The following NAV3 variants were observed in gnomAD, a reference collection of about 807,000 sequenced individuals.
NAV3 encodes neuron navigator 3, also known as pore membrane and/or filament interacting like protein 1.
In NAV3, 87 loss-of-function variants were observed where a neutral mutation model predicts 244.7. That is an observed-to-expected ratio of 0.36 (90% CI 0.30 to 0.42). The LOEUF is 0.42. Ranked by LOEUF, NAV3 falls within the 20% of genes least tolerant of loss-of-function variation. The pLI is 1.00. For missense variants in NAV3, 2,663 were observed against 2,893.3 expected, an observed-to-expected ratio of 0.92 and a Z score of 1.83; for synonymous variants, 1,126 against 1,042.2, an observed-to-expected ratio of 1.08 and a Z score of -1.55.
chr12:77,874,769 A>G (rs893130598), intron 1 of NAV3, among the ~76,000 whole-genome samples: 1 of 152,172 alleles, frequency 6.6e-6, no homozygotes, highest in African/African-American at 2.4e-5. Context: ...ACCATCTTTC[A>G]AATGAGGTTA....
intron 5 of NAV3, among the ~76,000 whole-genome samples, chr12:77,983,620 GAA>G (rs753621843): frequency 1.3e-5 from 2 of 152,026 alleles, no homozygotes; most frequent in Non-Finnish European, 2.9e-5. Flanking sequence ...TTTATTGATT[GAA>G]ACAATAGAAA....
chr12:77,681,432 G>A (rs1874452184), intron 2 of NAV3, among the ~76,000 whole-genome samples: 2 of 152,088 alleles, frequency 1.3e-5, no homozygotes, highest in Admixed American at 6.6e-5. Flanking sequence ...GAGCATCAAA[G>A]CCGAATGACA....
chr12:77,612,483 C>T (rs777294610), intron 2 of NAV3, among the ~76,000 whole-genome samples: 2 of 152,080 alleles, frequency 1.3e-5, no homozygotes, highest in Non-Finnish European at 2.9e-5. Context: ...TCCTTACACA[C>T]CCTGGAGGTG....
chr12:77,772,109 T>G (rs986276934), intron 2 of NAV3, among the ~76,000 whole-genome samples: 3 of 152,116 alleles, frequency 2.0e-5, no homozygotes, highest in South Asian at 4.1e-4. Context: ...TTTGATAACA[T>G]TATTAACTCC....
At chr12:77,810,824 G>A (rs1021968650) in intron 2 of NAV3, among the ~76,000 whole-genome samples, 20 of 151,868 alleles carry the variant, frequency 1.3e-4, no homozygotes, top group African/African-American at 4.8e-4. Context: ...AAATTAAGTT[G>A]GTTTCTTAAG....
intron 2 of NAV3, among the ~76,000 whole-genome samples, chr12:77,573,659 T>TTA (rs1399553356): frequency 6.6e-6 from 1 of 152,166 alleles, no homozygotes; most frequent in Non-Finnish European, 1.5e-5. Flanking sequence ...AAGAAGCCAT[T>TTA]TAATCATCTT....
chr12:78,210,735 C>A lies in NAV3; in HGVS notation c.*218C>A, dbSNP rs1309195849. 16 of 548,788 alleles carry A rather than the reference C, an allele frequency of 2.9e-5. No homozygotes were observed. The highest frequency in any genetic ancestry group is 4.8e-5 in the Non-Finnish European group (15 of 311,566). 34.0% of individuals were successfully genotyped at this position (548,788 alleles called of 1,614,324 possible). A position where few individuals can be genotyped will look rare whatever the true frequency, so the allele number is the denominator to read the frequency against. ...GTTTATTTCTAAGCATTTTTTATATCTGTGGAGTAATAGAAAGCTCCATTA... is the reference window on the plus strand; with the variant it reads ...GTTTATTTCTAAGCATTTTTTATATATGTGGAGTAATAGAAAGCTCCATTA... On this transcript the variant is annotated 3_prime_UTR_variant, in exon 40 of 40. Coordinates refer to ENST00000397909, the MANE Select transcript of NAV3 (RefSeq NM_001024383.2).
intron 12 of NAV3, among the ~76,000 whole-genome samples, chr12:78,074,792 T>C (rs1952960843): frequency 6.6e-6 from 1 of 152,182 alleles, no homozygotes; most frequent in African/African-American, 2.4e-5. Flanking sequence ...ATTCTACTAA[T>C]TCTGATTTGA....
Position 78,021,782 on chromosome 12 carries a change from C to T in NAV3, c.1943C>T (p.Ser648Leu), listed in dbSNP as rs201135448. ...GAAAATGAAGGTACCGCTTTACCAT[C>T]GGCTGACTCCTGTACCAGTCCTACA... ...HSENEGTALP[S>L]ADSCTSPTKM... is the part of the protein sequence containing the mutation. Residue 648 changes from serine to leucine, a missense_variant, in exon 9 of 40, where the codon TCG (serine) becomes TTG (leucine). By Grantham distance (145) the Ser-to-Leu change is moderately radical. This residue lies in a region of NAV3 where 1,521 missense variants were observed against 1,497.0 expected (regional missense o/e 1.02). Transcript: ENST00000397909. 4.0e-5 allele frequency: 65 copies of T among 1,609,718 alleles called. No individual in the cohort carries two copies. Among genetic ancestry groups the T allele is most frequent in the Non-Finnish European group, 4.6e-5 (54 of 1,177,566 alleles).
chr12:77,885,302 A>G (rs897379460), intron 1 of NAV3, among the ~76,000 whole-genome samples: 6 of 152,126 alleles, frequency 3.9e-5, no homozygotes, highest in African/African-American at 1.4e-4. Context: ...TAATTATATG[A>G]ATTATTAATC....
At chr12:77,842,281 G>C (rs1383405427) in intron 1 of NAV3, among the ~76,000 whole-genome samples, 1 of 152,196 alleles carries the variant, frequency 6.6e-6, no homozygotes, top group Non-Finnish European at 1.5e-5. Flanking sequence ...ACTGTGGTCT[G>C]TTTCCCACCT....
intron 29 of NAV3, 45 bp from the exon 30 acceptor site, chr12:78,180,826 A>G (rs373305705): frequency 8.4e-5 from 128 of 1,531,400 alleles, no homozygotes; most frequent in Non-Finnish European, 5.3e-5. Flanking sequence ...TATTTTCTCA[A>G]TCAAACCAAC....
chr12:77,690,994 A>G (rs1364613655), intron 2 of NAV3, among the ~76,000 whole-genome samples: 1 of 150,630 alleles, frequency 6.6e-6, no homozygotes, highest in Non-Finnish European at 1.5e-5. Flanking sequence ...TTTTTATGGC[A>G]TCTTTTATTT....
intron 9 of NAV3, among the ~76,000 whole-genome samples, chr12:78,027,512 A>G (rs1233029962): frequency 6.6e-6 from 1 of 152,176 alleles, no homozygotes; most frequent in Non-Finnish European, 1.5e-5. Context: ...TCCATAATTT[A>G]AAAATCCAAA....
chr12:77,742,107 C>T (rs1277772988), intron 2 of NAV3, among the ~76,000 whole-genome samples: 2 of 151,888 alleles, frequency 1.3e-5, no homozygotes, highest in East Asian at 3.9e-4. Context: ...ACTAGTATAC[C>T]TAAAAATCTT....
intron 2 of NAV3, among the ~76,000 whole-genome samples, chr12:77,758,217 C>A (rs1040438769): frequency 1.3e-5 from 2 of 152,016 alleles, no homozygotes; most frequent in African/African-American, 4.8e-5. Context: ...ATCCTTTTAC[C>A]TGGATATACT....
rs748531378 is a variant in NAV3 at position 77,766,735 on chromosome 12, G to GTTT, written c.73-173550_73-173548dup. 2.9e-3 allele frequency among the ~76,000 whole-genome samples: 178 copies of GTTT among 60,506 alleles called. 39 individuals are homozygous for GTTT. The highest frequency in any genetic ancestry group is 0.01 in the African/African-American group (163 of 15,824). 39.7% of individuals were successfully genotyped at this position (60,506 alleles called of 152,430 possible). A position where few individuals can be genotyped will look rare whatever the true frequency, so the allele number is the denominator to read the frequency against. On this transcript the variant is annotated intron_variant, in intron 2 of 8. Coordinates refer to the NAV3 transcript ENST00000550042. ...AGGATTCTAAAAAACAGGCAATTAA[G>GTTT]TTTTTTTTTTTTTTTTTTTTTTTTT...
chr12:77,681,000 T>C (rs1418275125), intron 2 of NAV3, among the ~76,000 whole-genome samples: 1 of 152,208 alleles, frequency 6.6e-6, no homozygotes, highest in East Asian at 1.9e-4. Flanking sequence ...AAGTCATTCT[T>C]TGTTAGATTT....
At chr12:78,117,054 C>A in intron 13 of NAV3, 150 bp downstream of exon 13, 1 of 830,398 alleles carries the variant, frequency 1.2e-6, no homozygotes, top group Non-Finnish European at 1.8e-6. Context: ...CCCTTTGCCA[C>A]TCCTGAACCC....
Sources: gnomAD v4.1 joint callset for allele counts (sites outside exome capture counted in the v4.1 genomes callset) on GRCh38, gnomAD v4.1.1 for gene constraint, gnomAD v4.1.1 regional missense constraint, MANE v1.5 for transcripts, NCBI Gene and HGNC (gene_info 2026-07-23, HGNC 2026-07-21) for gene names.